RYR2: variants seen among roughly 807,000 people sequenced by gnomAD.
RYR2 encodes cardiac muscle ryanodine receptor-calcium release channel.
In RYR2, 227 loss-of-function variants were observed where a neutral mutation model predicts 601.1. The observed-to-expected ratio is 0.38, with a 90% confidence interval of 0.34 to 0.42. The LOEUF (loss-of-function observed/expected upper bound fraction) is 0.42, where lower values mean the gene tolerates loss of function less well. RYR2 is among the 10% of genes least tolerant of loss of function. RYR2 has a pLI of 1.00. For synonymous variants in RYR2, 2,223 were observed against 2,175.1 expected (o/e 1.02, Z -0.61); for missense variants, 4,646 against 6,156.5 (o/e 0.75, Z 8.21).
chr1:237,597,469 A>T (rs1456350874), intron 34 of RYR2, among the ~76,000 whole-genome samples: 1 of 151,636 alleles, frequency 6.6e-6, no homozygotes, highest in Non-Finnish European at 1.5e-5. Flanking sequence ...TTTAATAGAG[A>T]TGGGGTTTCA....
intron 23 of RYR2, among the ~76,000 whole-genome samples, chr1:237,507,895 C>T (rs1468056226): frequency 2.6e-5 from 4 of 152,244 alleles, no homozygotes; most frequent in Non-Finnish European, 5.9e-5. Context: ...CTTTTATTAA[C>T]TAAATGATAG....
In RYR2 at chr1:237,070,129, C is replaced by G. The variant is rs1056254004; in HGVS notation, c.48+27560C>G. Among the ~76,000 whole-genome samples, 8 of 151,696 alleles carry G rather than the reference C, an allele frequency of 5.3e-5. 1 individual carries two copies. The highest frequency in any genetic ancestry group is 6.8e-3 in the Middle Eastern group (2 of 292). ...CACTGCAGCCTTGACCTCCCAGGCTCAAGTGATCCTCCCACCTAGGCCTCT... is the reference window on the plus strand; with the variant it reads ...CACTGCAGCCTTGACCTCCCAGGCTGAAGTGATCCTCCCACCTAGGCCTCT... On this transcript the variant is annotated intron_variant, in intron 1 of 104. Coordinates refer to ENST00000366574, the MANE Select transcript of RYR2 (RefSeq NM_001035.3).
chr1:237,153,239 G>A (rs1488974584), intron 1 of RYR2, among the ~76,000 whole-genome samples: 1 of 152,184 alleles, frequency 6.6e-6, no homozygotes, highest in African/African-American at 2.4e-5. Flanking sequence ...GAGATTTGGG[G>A]GGAGGGGAAG....
intron 17 of RYR2, among the ~76,000 whole-genome samples, chr1:237,473,442 T>TTTCTTTCTTTCTTTCTTTCTTTCTTTC (rs1553464684): frequency 3.0e-4 from 17 of 56,646 alleles, no homozygotes; most frequent in African/African-American, 6.4e-4. Flanking sequence ...TCTTTCTTTC[T>TTTCTTTCTTTCTTTCTTTCTTTCTTTC]TTCTTTCTTT....
intron 66 of RYR2, among the ~76,000 whole-genome samples, chr1:237,703,618 TA>T (rs1451214021): frequency 6.8e-6 from 1 of 148,058 alleles, no homozygotes; most frequent in African/African-American, 2.4e-5. Context: ...TATATATATA[TA>T]AAATATATAA....
At chr1:237,810,584 T>TA (rs1661145198) in intron 100 of RYR2, among the ~76,000 whole-genome samples, 1 of 152,190 alleles carries the variant, frequency 6.6e-6, no homozygotes, top group South Asian at 2.1e-4. Flanking sequence ...TAAGTATATA[T>TA]ATCCTTTGAC....
intron 1 of RYR2, among the ~76,000 whole-genome samples, chr1:237,170,356 G>A (rs1677216798): frequency 6.6e-6 from 1 of 152,130 alleles, no homozygotes; most frequent in South Asian, 2.1e-4. Context: ...TGAAGGCATC[G>A]GGAGGGAGTC....
rs6680929 is a variant in RYR2 at position 237,043,793 on chromosome 1, A to G, written c.48+1224A>G. Among the ~76,000 whole-genome samples, 1,174 of 152,332 alleles carry G rather than the reference A, an allele frequency of 7.7e-3. 14 individuals are homozygous for G. Among genetic ancestry groups the G allele is most frequent in the African/African-American group, 0.025 (1,025 of 41,574 alleles). On this transcript the variant is annotated intron_variant, in intron 1 of 104. Transcript: ENST00000366574. ...ACAAACAAAACCACTTCCCGGTTAC[A>G]GTTACCTATAATCACAGAAAATCGT...
intron 33 of RYR2, among the ~76,000 whole-genome samples, chr1:237,595,019 C>T (rs965340660): frequency 2.2e-4 from 31 of 140,386 alleles, no homozygotes; most frequent in African/African-American, 8.2e-4. Flanking sequence ...TATATCAAAT[C>T]ACTGAAGGCT....
intron 10 of RYR2, among the ~76,000 whole-genome samples, chr1:237,409,838 C>T (rs1225520895): frequency 6.6e-6 from 1 of 152,114 alleles, no homozygotes; most frequent in Admixed American, 6.5e-5. Context: ...AGGAAATCTT[C>T]AGAGCCTGGT....
At chr1:237,273,621 A>G (rs1689935899) in intron 2 of RYR2, among the ~76,000 whole-genome samples, 1 of 152,168 alleles carries the variant, frequency 6.6e-6, no homozygotes, top group African/African-American at 2.4e-5. Context: ...CAAAAATGGG[A>G]GAGTGGGTAT....
chr1:237,059,089 C>T (rs982154170), intron 1 of RYR2, among the ~76,000 whole-genome samples: 3 of 152,150 alleles, frequency 2.0e-5, no homozygotes, highest in South Asian at 2.1e-4. Flanking sequence ...ATGGAATCAG[C>T]GATTCCATAA....
At chr1:237,082,461 G>T (rs978679336) in intron 1 of RYR2, among the ~76,000 whole-genome samples, 9 of 144,860 alleles carry the variant, frequency 6.2e-5, no homozygotes, top group Non-Finnish European at 1.2e-4. Context: ...TCATGCACCT[G>T]ATAACTGCCT....
chr1:237,053,625 T>A (rs1661563899), intron 1 of RYR2, among the ~76,000 whole-genome samples: 1 of 152,222 alleles, frequency 6.6e-6, no homozygotes, highest in African/African-American at 2.4e-5. Context: ...CATTCTGAAA[T>A]GTTCGTGGAC....
At chr1:237,116,954 A>G (rs533503751) in intron 1 of RYR2, among the ~76,000 whole-genome samples, 1 of 152,274 alleles carries the variant, frequency 6.6e-6, no homozygotes, top group Non-Finnish European at 1.5e-5. Flanking sequence ...ACACCCAGAA[A>G]TCGTGTTTAA....
At position 237,264,705 on chromosome 1, in the gene RYR2, T is replaced by TATTA. The variant is rs1558520794; in HGVS notation, c.49-5792_49-5791insATTA. Among the ~76,000 whole-genome samples the TATTA allele has an allele frequency of 8.6e-4, 130 of 151,434 alleles. 1 individual carries two copies. The highest frequency in any genetic ancestry group is 3.0e-3 in the African/African-American group (123 of 41,312). ...ATTTTTTATTATTATTATTATTTTT[T>TATTA]TTTTTTTGAGACGGAGTCTTGCTCT... On this transcript the variant is annotated intron_variant, in intron 1 of 104. Transcript: ENST00000366574.
At chr1:237,627,107 C>T (rs554509617) in intron 40 of RYR2, among the ~76,000 whole-genome samples, 22 of 152,270 alleles carry the variant, frequency 1.4e-4, no homozygotes, top group African/African-American at 3.6e-4. Flanking sequence ...AGTGCCTCAT[C>T]GTGCATAAAT....
chr1:237,245,610 G>T (rs570305186), intron 1 of RYR2, among the ~76,000 whole-genome samples: 42 of 152,188 alleles, frequency 2.8e-4, no homozygotes, highest in Middle Eastern at 6.8e-3. Flanking sequence ...TGGAAGGAAA[G>T]ACTCAACAAA....
At chr1:237,280,299 C>T (rs1298722173) in intron 2 of RYR2, among the ~76,000 whole-genome samples, 1 of 152,054 alleles carries the variant, frequency 6.6e-6, no homozygotes, top group African/African-American at 2.4e-5. Context: ...TCTTAAACAG[C>T]AGATACTTGT....
Sources: gnomAD v4.1 joint callset for allele counts (sites outside exome capture counted in the v4.1 genomes callset) on GRCh38, gnomAD v4.1.1 for gene constraint, MANE v1.5 for transcripts, NCBI Gene and HGNC (gene_info 2026-07-23, HGNC 2026-07-21) for gene names.